XRCC5: variants seen among roughly 807,000 people sequenced by gnomAD.
XRCC5 encodes X-ray repair cross complementing 5, also known as DNA repair protein Ku80.
In XRCC5, 12 loss-of-function variants were observed where a neutral mutation model predicts 95.7. The ratio of observed to expected loss-of-function variants is 0.13; its 90% CI spans 0.08 to 0.20. The LOEUF (loss-of-function observed/expected upper bound fraction) is 0.20, where lower values mean the gene tolerates loss of function less well. Ranked by LOEUF, XRCC5 falls within the 10% of genes least tolerant of loss-of-function variation. The probability of loss-of-function intolerance (pLI) is 1.00; values close to 1 mark genes in which losing one functional copy is unlikely to be tolerated. For synonymous variants in XRCC5, 281 were observed against 290.3 expected (o/e 0.97, Z 0.33); for missense variants, 595 against 873.9 (o/e 0.68, Z 4.02).
chr2:216,194,049 C>G (rs917786711), intron 18 of XRCC5, among the ~76,000 whole-genome samples: 1 of 152,172 alleles, frequency 6.6e-6, no homozygotes, highest in Admixed American at 6.5e-5. Flanking sequence ...GGCCACAAGA[C>G]AAAATGCATG....
intron 1 of XRCC5, among the ~76,000 whole-genome samples, chr2:216,109,726 C>T (rs989957260): frequency 6.6e-6 from 1 of 150,576 alleles, no homozygotes; most frequent in Non-Finnish European, 1.5e-5. Context: ...TCTACCTGCT[C>T]TTTGTCTCAC....
At chr2:216,196,133 G>C (rs1254784228) in intron 19 of XRCC5, among the ~76,000 whole-genome samples, 1 of 151,918 alleles carries the variant, frequency 6.6e-6, no homozygotes, top group East Asian at 1.9e-4. Context: ...CTCAAGAAAG[G>C]CATTTGGCAG....
intron 6 of XRCC5, among the ~76,000 whole-genome samples, chr2:216,124,237 C>T (rs759981021): frequency 2.6e-5 from 4 of 152,108 alleles, no homozygotes; most frequent in Non-Finnish European, 5.9e-5. Context: ...TACTGCAGAA[C>T]TGAGTCAGTT....
At chr2:216,201,421 T>A (rs1327521871) in intron 19 of XRCC5, among the ~76,000 whole-genome samples, 1 of 152,172 alleles carries the variant, frequency 6.6e-6, no homozygotes, top group African/African-American at 2.4e-5. Flanking sequence ...ATGATAGTCT[T>A]TTAGTCTTAT....
At chr2:216,138,853 A>T (rs1454739452) in intron 12 of XRCC5, among the ~76,000 whole-genome samples, 2 of 152,252 alleles carry the variant, frequency 1.3e-5, no homozygotes, top group East Asian at 1.9e-4. Flanking sequence ...GTTTTAGGTT[A>T]CAAGTTTATA....
At position 216,171,265 on chromosome 2, in the gene XRCC5, G is replaced by C. The variant is rs191694284; in HGVS notation, c.1834+9217G>C. Among the ~76,000 whole-genome samples the C allele has an allele frequency of 4.5e-3, 692 of 152,328 alleles. 4 individuals are homozygous for C. The highest frequency in any genetic ancestry group is 6.0e-3 in the Non-Finnish European group (407 of 68,028). On this transcript the variant is annotated intron_variant, in intron 16 of 20. Coordinates refer to ENST00000392132, the MANE Select transcript of XRCC5 (RefSeq NM_021141.4). ...GGCAAAAAATATGCTGACACAGAAA[G>C]AAGTGGCAAGTGTAATTTGGTACAG...
intron 14 of XRCC5, among the ~76,000 whole-genome samples, chr2:216,155,578 G>A (rs1431883484): frequency 6.6e-6 from 1 of 152,232 alleles, no homozygotes; most frequent in Admixed American, 6.5e-5. Flanking sequence ...GAAGCAACCA[G>A]TGTACTCGTC....
chr2:216,116,489 C>T, intron 2 of XRCC5, 170 bp from the exon 3 acceptor site: 1 of 713,202 alleles, frequency 1.4e-6, no homozygotes, highest in East Asian at 2.7e-5. Context: ...CTGTTCAGAA[C>T]CTAAGAATTG....
intron 10 of XRCC5, among the ~76,000 whole-genome samples, chr2:216,136,367 A>AAAAAAAG (rs61067470): frequency 0.028 from 4,007 of 143,156 alleles, 114 homozygotes; most frequent in African/African-American, 0.034. Context: ...AAAAAAAAAA[A>AAAAAAAG]AAAAGAAATA....
chr2:216,148,056 T>C (rs1409411797), intron 13 of XRCC5, 27 bp from the exon 14 acceptor site: 1 of 1,592,848 alleles, frequency 6.3e-7, no homozygotes, highest in Non-Finnish European at 8.5e-7. Flanking sequence ...TCCATCTGTG[T>C]TTTAAAATCC....
chr2:216,114,416 C>A (rs564417642), intron 2 of XRCC5, among the ~76,000 whole-genome samples: 28 of 151,882 alleles, frequency 1.8e-4, no homozygotes, highest in Admixed American at 7.9e-4. Flanking sequence ...GTGCTCTAAC[C>A]CTGTTCTTGG....
At chr2:216,195,345 TTTTTCTTTTCTTTTC>T (rs10623248) in intron 19 of XRCC5, among the ~76,000 whole-genome samples, 4,940 of 125,216 alleles carry the variant, frequency 0.039, 333 homozygotes, top group African/African-American at 0.13. Flanking sequence ...GTTTTTCTTT[TTTTTCTTTTCTTTTC>T]TTTTCTTTTC....
In XRCC5 at chr2:216,137,068, A is replaced by G; in HGVS notation, c.1114-20A>G. 1 of 1,610,114 alleles carries G rather than the reference A, an allele frequency of 6.2e-7. No homozygotes were observed. The highest frequency in any genetic ancestry group is 2.2e-5 in the East Asian group (1 of 44,796). On this transcript the variant is annotated intron_variant, in intron 10 of 20. Coordinates refer to ENST00000392132, the MANE Select transcript of XRCC5 (RefSeq NM_021141.4). ...TCTCACATGTTGAATATGTGTTAAT[A>G]CATCCATCTTTCTTACCAGGCAGCT...
At chr2:216,169,889 C>T (rs1358418084) in intron 16 of XRCC5, among the ~76,000 whole-genome samples, 2 of 146,006 alleles carry the variant, frequency 1.4e-5, no homozygotes, top group East Asian at 2.0e-4. Flanking sequence ...AAAAAACAAA[C>T]TTAGGTGGGC....
At chr2:216,152,164 C>CA in intron 14 of XRCC5, among the ~76,000 whole-genome samples, 1 of 152,278 alleles carries the variant, frequency 6.6e-6, no homozygotes, top group African/African-American at 2.4e-5. Context: ...GGGCTCGGCT[C>CA]AGTGGCTCAT....
At chr2:216,146,817 G>A (rs1276195110) in intron 13 of XRCC5, among the ~76,000 whole-genome samples, 1 of 152,114 alleles carries the variant, frequency 6.6e-6, no homozygotes, top group Non-Finnish European at 1.5e-5. Flanking sequence ...CTCCCCCTTG[G>A]TGTTGCTTCT....
At chr2:216,175,849 G>T in intron 16 of XRCC5, 2 of 429,902 alleles carry the variant, frequency 4.7e-6, no homozygotes, top group African/African-American at 2.1e-5. Flanking sequence ...CTGTGAGTGT[G>T]CCCCCTTTCT....
chr2:216,135,002 A>G (rs1697050380), intron 10 of XRCC5, among the ~76,000 whole-genome samples: 1 of 152,240 alleles, frequency 6.6e-6, no homozygotes, highest in Non-Finnish European at 1.5e-5. Flanking sequence ...ACAGGCACTG[A>G]GTAAAGTAGC....
chr2:216,194,858 C>T (rs1351626998), intron 18 of XRCC5, 61 bp from the exon 19 acceptor site: 8 of 1,547,418 alleles, frequency 5.2e-6, no homozygotes, highest in African/African-American at 1.4e-5. Flanking sequence ...GTGATGGAAA[C>T]GAAAATGGGA....
Sources: allele counts gnomAD v4.1 joint callset (sites outside exome capture counted in the v4.1 genomes callset), GRCh38; gene constraint gnomAD v4.1.1; transcripts MANE v1.5; gene names NCBI Gene and HGNC (gene_info 2026-07-23, HGNC 2026-07-21).